RUBCN: variants seen among roughly 807,000 people sequenced by gnomAD.
The protein encoded by RUBCN is run domain Beclin-1-interacting and cysteine-rich domain-containing protein.
Under a neutral mutation model 113.2 loss-of-function variants are expected in RUBCN, and 74 were observed. The ratio of observed to expected loss-of-function variants is 0.65; its 90% confidence interval spans 0.54 to 0.79. The LOEUF (loss-of-function observed/expected upper bound fraction) is 0.79, where lower values mean the gene tolerates loss of function less well. Ranked by LOEUF, RUBCN falls within the 30% of genes least tolerant of loss-of-function variation. RUBCN has a pLI of 0.00. For missense variants in RUBCN, 1,109 were observed against 1,251.7 expected (o/e 0.89, Z 1.72); for synonymous variants, 480 against 490.0 (o/e 0.98, Z 0.27).
intron 1 of RUBCN, among the ~76,000 whole-genome samples, chr3:197,744,079 A>C (rs1023269673): frequency 6.6e-6 from 1 of 151,532 alleles, no homozygotes; most frequent in African/African-American, 2.4e-5. Flanking sequence ...AAATTATACC[A>C]TACTTCTTTA....
intron 11 of RUBCN, among the ~76,000 whole-genome samples, chr3:197,686,209 A>G (rs1296787704): frequency 1.3e-5 from 2 of 152,198 alleles, no homozygotes; most frequent in Admixed American, 1.3e-4. Flanking sequence ...TTGCCTTCAT[A>G]AAACTATTTA....
chr3:197,694,052 A>T, intron 10 of RUBCN: 1 of 487,930 alleles, frequency 2.0e-6, no homozygotes, highest in Non-Finnish European at 3.7e-6. Flanking sequence ...TCCTTTATTT[A>T]TATATATACA....
rs1721282300 is a variant in RUBCN at position 197,681,860 on chromosome 3, TGCACA to T, written c.2161_2165del (p.Cys721ArgfsTer7). The T allele has an allele frequency of 6.2e-7, 1 of 1,613,904 alleles. No individual in the cohort carries two copies. The highest frequency in any genetic ancestry group is 8.5e-7 in the Non-Finnish European group (1 of 1,179,990). On this transcript the variant is annotated frameshift_variant, in exon 15 of 20. Transcript: ENST00000296343. LOFTEE classifies it high-confidence loss of function. This position sits in a 1 kb window ranked among gnomAD's most constrained non-coding sequence, Gnocchi z 5.5. ...CAGGGTCAGTCCGGATGCCACATCC[TGCACA>T]GCGGTAATTCTGCTTGGCCACGGCA...
At chr3:197,691,137 C>T in intron 11 of RUBCN, 1 of 1,285,830 alleles carries the variant, frequency 7.8e-7, no homozygotes, top group South Asian at 1.2e-5. Flanking sequence ...AGGTTAGATC[C>T]TTCGCTACCA....
chr3:197,729,557 CTTTTG>C (rs2108994094), intron 1 of RUBCN, among the ~76,000 whole-genome samples: 1 of 150,504 alleles, frequency 6.6e-6, no homozygotes, highest in Non-Finnish European at 1.5e-5. Flanking sequence ...CCGGCCCCTG[CTTTTG>C]TTTTGTTCTG....
At chr3:197,727,379 A>T (rs1016683616) in intron 1 of RUBCN, among the ~76,000 whole-genome samples, 4 of 152,194 alleles carry the variant, frequency 2.6e-5, no homozygotes, top group Admixed American at 6.5e-5. Flanking sequence ...AGAGAATAAT[A>T]TTCTCTTTTC....
upstream of RUBCN, chr3:197,749,707 C>G (rs1360754247): frequency 1.6e-6 from 1 of 633,122 alleles, no homozygotes; most frequent in African/African-American, 1.8e-5. Context: ...CTCACAACGG[C>G]GGTCCTCGCG....
rs559652801 is a variant in RUBCN, at chr3:197,700,720, C to T, written c.1154G>A (p.Arg385His). 2.3e-5 allele frequency: 37 copies of T among 1,614,180 alleles called. 1 individual carries two copies. The highest frequency in any genetic ancestry group is 1.6e-4 in the South Asian group (15 of 91,074). Residue 385 changes from arginine (R) to histidine (H), a missense_variant, in exon 7 of 20, where the codon CGC becomes CAC. Around this residue, in one of 3 missense-constraint regions of RUBCN, gnomAD observed 736 missense variants for 779.6 expected, o/e 0.94. Coordinates refer to ENST00000296343, the MANE Select transcript of RUBCN (RefSeq NM_014687.4). ...CTGCCCCTCTGAGAAGCTGGACCTG[C>T]GGAGGACACTGGACAGCTGGCTCTC... The part of the protein sequence containing the change: ...GGESQLSSVL[R>H]RSSFSEGQTL...
chr3:197,677,170 C>T, intron 17 of RUBCN, 132 bp from the exon 18 acceptor site: 2 of 976,216 alleles, frequency 2.0e-6, no homozygotes, highest in Non-Finnish European at 3.2e-6. Context: ...AGGTTCCAGG[C>T]CGCCGCAGCC....
chr3:197,695,060 T>C (rs944025473), intron 9 of RUBCN, among the ~76,000 whole-genome samples: 4 of 152,194 alleles, frequency 2.6e-5, no homozygotes, highest in Non-Finnish European at 4.4e-5. Flanking sequence ...GCAAAAACAA[T>C]GCTGCCAGAC....
At chr3:197,736,370 C>T (rs963692123) in intron 1 of RUBCN, among the ~76,000 whole-genome samples, 1 of 152,036 alleles carries the variant, frequency 6.6e-6, no homozygotes, top group South Asian at 2.1e-4. Context: ...AGTCTCTCAG[C>T]TGCCACCTCC....
At position 197,675,559 on chromosome 3, in the gene RUBCN, C is replaced by G; in HGVS notation, c.2647-44G>C. The G allele has an allele frequency of 7.0e-7, 1 of 1,436,704 alleles. No homozygotes were observed. The highest frequency in any genetic ancestry group is 9.8e-7 in the Non-Finnish European group (1 of 1,020,608). The allele number at this position is 1,436,704 out of a possible 1,614,324, so 89.0% of individuals were successfully genotyped here. A position where few individuals can be genotyped will look rare whatever the true frequency, so the allele number is the denominator to read the frequency against. The stretch of plus-strand genomic sequence containing the variant: ...GATGGCAAAATGAGGAGCGGCACAT[C>G]AGGAACTGGCACGGGAGGGTGAACA... On this transcript the variant is annotated intron_variant, in intron 18 of 19. Coordinates refer to ENST00000296343, the MANE Select transcript of RUBCN (RefSeq NM_014687.4). The surrounding 1 kb of genome is among the most constrained non-coding windows in gnomAD (Gnocchi z 4.4).
rs1238697680 is a variant in RUBCN, at chr3:197,696,940, T to C, written c.1357+14A>G. 2 of 1,436,666 alleles carry C rather than the reference T, an allele frequency of 1.4e-6. No homozygotes were observed. The highest frequency in any genetic ancestry group is 1.7e-5 in the Admixed American group (1 of 59,768). 89.0% of individuals were successfully genotyped at this position (1,436,666 alleles called of 1,614,324 possible). A position where few individuals can be genotyped will look rare whatever the true frequency, so the allele number is the denominator to read the frequency against. ...AAAATATACAATTTTAGCCCTGGCCTTCCTAGTACTCACCATATTCCATGT... is the reference window on the plus strand; with the variant it reads ...AAAATATACAATTTTAGCCCTGGCCCTCCTAGTACTCACCATATTCCATGT... On this transcript the variant is annotated intron_variant, in intron 8 of 19. Transcript: ENST00000296343.
At chr3:197,711,797 T>G (rs1455059830) in intron 2 of RUBCN, among the ~76,000 whole-genome samples, 1 of 152,226 alleles carries the variant, frequency 6.6e-6, no homozygotes, top group Non-Finnish European at 1.5e-5. Flanking sequence ...TCTAGCTACG[T>G]AAAATACAGT....
chr3:197,699,227 G>T (rs1580246396), intron 7 of RUBCN: 2 of 1,548,740 alleles, frequency 1.3e-6, no homozygotes, highest in Non-Finnish European at 1.7e-6. Context: ...TATTCCTGGG[G>T]CCTCCTGCCG....
chr3:197,677,445 C>T (rs908606224), intron 17 of RUBCN, 35 bp downstream of exon 17: 17 of 1,579,826 alleles, frequency 1.1e-5, no homozygotes, highest in Middle Eastern at 1.7e-4. Flanking sequence ...GAGACAGCAA[C>T]GTGGCCAGAG....
chr3:197,704,450 A>C, intron 4 of RUBCN, 92 bp downstream of exon 4: 1 of 1,263,796 alleles, frequency 7.9e-7, no homozygotes, highest in Non-Finnish European at 1.2e-6. Flanking sequence ...AAAAAAGAAA[A>C]ATAGGAGGCC....
At position 197,736,750 on chromosome 3, in the gene RUBCN, G is replaced by C. The variant is rs1728183807; in HGVS notation, c.-31C>G. The C allele has an allele frequency of 6.5e-7, 1 of 1,527,628 alleles. No individual in the cohort carries two copies. Among genetic ancestry groups the C allele is most frequent in the Non-Finnish European group, 8.7e-7 (1 of 1,144,108 alleles). 94.6% of individuals were successfully genotyped at this position (1,527,628 alleles called of 1,614,324 possible). ...GCGGTGAGGCCGCCTCTTCGCCCAA[G>C]AGAGGCGTCCCTGCCGCTTCGCCCT... On this transcript the variant is annotated 5_prime_UTR_variant, in exon 1 of 20. Transcript: ENST00000296343.
chr3:197,748,707 T>G (rs1262974550), intron 1 of RUBCN, among the ~76,000 whole-genome samples: 1 of 152,242 alleles, frequency 6.6e-6, no homozygotes, highest in Non-Finnish European at 1.5e-5. Context: ...AAGCTTTGCT[T>G]TAAATTCAGG....
Sources: gnomAD v4.1 joint callset for allele counts (sites outside exome capture counted in the v4.1 genomes callset) on GRCh38, gnomAD v4.1.1 for gene constraint, gnomAD v4.1.1 regional missense constraint, Gnocchi (gnomAD v3.1) non-coding constraint, MANE v1.5 for transcripts, NCBI Gene and HGNC (gene_info 2026-07-23, HGNC 2026-07-21) for gene names.